GINS1: variants seen among roughly 807,000 people sequenced by gnomAD.
GINS1 encodes the protein DNA replication complex GINS protein PSF1.
In GINS1, 26 loss-of-function variants were observed where a neutral mutation model predicts 34.9. The observed-to-expected ratio is 0.74, with a 90% CI of 0.55 to 1.03. The LOEUF is 1.03. Among genes scored for constraint, GINS1 ranks in the 50% least tolerant of loss-of-function variants. GINS1 has a pLI of 0.00. For synonymous variants in GINS1, 97 were observed against 84.4 expected (o/e 1.15, Z -0.82); for missense variants, 235 against 237.9 (o/e 0.99, Z 0.08).
intron 5 of GINS1, among the ~76,000 whole-genome samples, chr20:25,436,803 G>A (rs951748537): frequency 6.6e-6 from 1 of 151,942 alleles, no homozygotes; most frequent in Non-Finnish European, 1.5e-5. Context: ...CTTTTTCAGG[G>A]ACCATTTCTT....
intron 5 of GINS1, among the ~76,000 whole-genome samples, chr20:25,438,922 G>A (rs2090468130): frequency 6.6e-6 from 1 of 152,136 alleles, no homozygotes; most frequent in Admixed American, 6.6e-5. Context: ...CTTGGAGAAT[G>A]TGAGGGATCC....
chr20:25,415,062 G>C (rs2090311774), intron 2 of GINS1, among the ~76,000 whole-genome samples: 2 of 152,114 alleles, frequency 1.3e-5, no homozygotes, highest in Non-Finnish European at 2.9e-5. Flanking sequence ...GGTCTCAACT[G>C]TCTGTGACAT....
At chr20:25,429,947 C>T (rs1204001721) in intron 5 of GINS1, among the ~76,000 whole-genome samples, 2 of 152,152 alleles carry the variant, frequency 1.3e-5, no homozygotes, top group African/African-American at 4.8e-5. Context: ...GAGTCTTGCT[C>T]TGTTGCCCAG....
At chr20:25,412,416 G>A (rs986251461) in intron 1 of GINS1, among the ~76,000 whole-genome samples, 4 of 151,366 alleles carry the variant, frequency 2.6e-5, no homozygotes, top group Non-Finnish European at 4.4e-5. Context: ...TTAGCCAGGC[G>A]TGGTGGTGGG....
rs1481424499 is a variant in GINS1, at chr20:25,407,760, G to C, written c.-61G>C. On this transcript the variant is annotated 5_prime_UTR_variant, in exon 1 of 7. Transcript: ENST00000262460. The stretch of plus-strand genomic sequence containing the variant: ...AAAGGAGTGAGGCGCCGAGAGCCCA[G>C]ATACCATTTTGGCGTGAGAGCTGGT... 2 of 1,300,182 alleles carry C rather than the reference G, an allele frequency of 1.5e-6. No individual in the cohort carries two copies. Among genetic ancestry groups the C allele is most frequent in the Non-Finnish European group, 2.2e-6 (2 of 896,380 alleles). The allele number at this position is 1,300,182 out of a possible 1,614,324, so 80.5% of individuals were successfully genotyped here. A position where few individuals can be genotyped will look rare whatever the true frequency, so the allele number is the denominator to read the frequency against.
Position 25,448,339 on chromosome 20 carries a change from G to C in GINS1, c.*2348G>C, listed in dbSNP as rs2090524248. On this transcript the variant is annotated 3_prime_UTR_variant, in exon 7 of 7. Transcript: ENST00000262460. The stretch of plus-strand genomic sequence containing the variant: ...CTATTTCTCTTAATAATCTTTTGTA[G>C]TTTTCAGTGTACAGGTCTACCATGT... The C allele has an allele frequency of 1.3e-5, 2 of 152,144 alleles. No homozygotes were observed. The highest frequency in any genetic ancestry group is 1.5e-5 in the Non-Finnish European group (1 of 68,022). 9.4% of individuals were successfully genotyped at this position (152,144 alleles called of 1,614,324 possible).
intron 1 of GINS1, chr20:25,409,072 G>T (rs1293377323): frequency 2.0e-6 from 2 of 978,386 alleles, no homozygotes; most frequent in South Asian, 4.7e-5. Context: ...GATCTGAGAA[G>T]GAAGCGAGGC....
At chr20:25,424,006 A>C (rs559618728) in intron 4 of GINS1, among the ~76,000 whole-genome samples, 386 of 152,298 alleles carry the variant, frequency 2.5e-3, no homozygotes, top group Non-Finnish European at 3.7e-3. Flanking sequence ...TACAGGAGGC[A>C]TGCTTCATTT....
intron 2 of GINS1, among the ~76,000 whole-genome samples, chr20:25,414,114 C>T (rs941660339): frequency 1.5e-4 from 21 of 135,708 alleles, no homozygotes; most frequent in African/African-American, 3.8e-4. Context: ...TGTTTGTACC[C>T]GGGAGGTGGA....
intron 5 of GINS1, 67 bp downstream of exon 5, chr20:25,425,394 G>T: frequency 2.8e-6 from 2 of 724,908 alleles, no homozygotes; most frequent in Admixed American, 2.1e-5. Flanking sequence ...TAAGAAGAGA[G>T]GAGTATATGA....
rs767649052 is a variant in GINS1 at position 25,413,858 on chromosome 20, A to C, written c.140+4A>C. The C allele has an allele frequency of 1.3e-6, 2 of 1,487,570 alleles. No homozygotes were observed. The highest frequency in any genetic ancestry group is 1.4e-5 in the African/African-American group (1 of 72,576). The allele number at this position is 1,487,570 out of a possible 1,614,324, so 92.1% of individuals were successfully genotyped here. ...ATGAACAAAACCAGTCTGATGTGTAAGTTTCATAAGATGATATTCTAAAAC... is the reference window on the plus strand; with the variant it reads ...ATGAACAAAACCAGTCTGATGTGTACGTTTCATAAGATGATATTCTAAAAC... On this transcript the variant is annotated splice_donor_region_variant and intron_variant, in intron 2 of 6. Coordinates refer to ENST00000262460, the MANE Select transcript of GINS1 (RefSeq NM_021067.5).
At chr20:25,420,874 G>T (rs1031895964) in intron 4 of GINS1, 2 of 978,930 alleles carry the variant, frequency 2.0e-6, no homozygotes, top group Non-Finnish European at 2.4e-6. Context: ...ACTGAAGGAT[G>T]AGAAGAGATT....
chr20:25,445,442 G>A lies in GINS1; in HGVS notation c.523-481G>A, dbSNP rs150567451. The stretch of plus-strand genomic sequence containing the variant: ...GCTCACTGCAAGCTCTGCCTCCCGG[G>A]TTCACGCCATTCTCCTGCCTCAGCC... On this transcript the variant is annotated intron_variant, in intron 6 of 6. Transcript: ENST00000262460. 9.7e-3 allele frequency among the ~76,000 whole-genome samples: 1,470 copies of A among 152,052 alleles called. 15 individuals are homozygous for A. The highest frequency in any genetic ancestry group is 0.016 in the Non-Finnish European group (1,113 of 67,984).
At chr20:25,438,005 T>C (rs1198819299) in intron 5 of GINS1, among the ~76,000 whole-genome samples, 2 of 151,204 alleles carry the variant, frequency 1.3e-5, no homozygotes, top group Non-Finnish European at 2.9e-5. Context: ...CGTAATCCCA[T>C]CTACTCAGGA....
At chr20:25,435,780 A>C (rs1488753522) in intron 5 of GINS1, among the ~76,000 whole-genome samples, 15 of 123,746 alleles carry the variant, frequency 1.2e-4, no homozygotes, top group African/African-American at 2.2e-4. Flanking sequence ...AAAAAAAAAA[A>C]AAAAAAAACC....
intron 5 of GINS1, among the ~76,000 whole-genome samples, chr20:25,436,463 T>C (rs2090455349): frequency 6.6e-6 from 1 of 152,180 alleles, no homozygotes; most frequent in Admixed American, 6.5e-5. Flanking sequence ...GATGGTGCCC[T>C]TCAGGTCTCT....
intron 5 of GINS1, among the ~76,000 whole-genome samples, chr20:25,433,869 G>A (rs1316251032): frequency 6.6e-6 from 1 of 152,040 alleles, no homozygotes; most frequent in Non-Finnish European, 1.5e-5. Context: ...TCTTTTAAAT[G>A]CATTAGTTTC....
chr20:25,425,134 C>A, intron 4 of GINS1, 77 bp from the exon 5 acceptor site: 1 of 709,196 alleles, frequency 1.4e-6, no homozygotes, highest in South Asian at 1.7e-5. Flanking sequence ...GGGATGTGTA[C>A]TGTTTTCGAA....
In GINS1 at chr20:25,446,947, T is replaced by C. The variant is rs1438215706; in HGVS notation, c.*956T>C. The C allele has an allele frequency of 2.6e-5, 4 of 152,134 alleles. No homozygotes were observed. The highest frequency in any genetic ancestry group is 1.9e-4 in the East Asian group (1 of 5,208). The allele number at this position is 152,134 out of a possible 1,614,324, so 9.4% of individuals were successfully genotyped here. ...ATCTTTTCCCATCCCAAGATCACAA[T>C]TTTTTTTCCTTTTTACTTCTAGAAG... On this transcript the variant is annotated 3_prime_UTR_variant, in exon 7 of 7. Coordinates refer to ENST00000262460, the MANE Select transcript of GINS1 (RefSeq NM_021067.5).
Sources: gnomAD v4.1 joint callset for allele counts (sites outside exome capture counted in the v4.1 genomes callset) on GRCh38, gnomAD v4.1.1 for gene constraint, MANE v1.5 for transcripts, NCBI Gene and HGNC (gene_info 2026-07-23, HGNC 2026-07-21) for gene names.